LDLRAD4: variants seen among roughly 807,000 people sequenced by gnomAD.
LDLRAD4 encodes the protein low-density lipoprotein receptor class A domain-containing protein 4.
LDLRAD4 carries 5 observed loss-of-function variants against 17.0 expected under a neutral mutation model. The ratio of observed to expected loss-of-function variants is 0.29; its 90% confidence interval spans 0.15 to 0.62. The LOEUF (loss-of-function observed/expected upper bound fraction) is 0.62, where lower values mean the gene tolerates loss of function less well. Ranked by LOEUF, LDLRAD4 falls within the 20% of genes least tolerant of loss-of-function variation. The probability of loss-of-function intolerance (pLI) is 0.84; values close to 1 mark genes in which losing one functional copy is unlikely to be tolerated. For synonymous variants in LDLRAD4, 168 were observed against 171.8 expected, an observed-to-expected ratio of 0.98 and a Z score of 0.17; for missense variants, 340 against 424.7, an observed-to-expected ratio of 0.80 and a Z score of 1.75.
rs2090875711 is a variant in LDLRAD4 at position 13,439,358 on chromosome 18, T to C, written c.181+974T>C. 2.0e-5 allele frequency among the ~76,000 whole-genome samples: 3 copies of C among 152,370 alleles called. No homozygotes were observed. In the South Asian group the frequency reaches 6.2e-4, roughly 32 times the overall value. ...GGGGGCAAGTTACGTATGTCCCCAATATAAAAATGACTGTGCTCTAGCAAA... is the reference window on the plus strand; with the variant it reads ...GGGGGCAAGTTACGTATGTCCCCAACATAAAAATGACTGTGCTCTAGCAAA... On this transcript the variant is annotated intron_variant, in intron 3 of 5. Transcript: ENST00000359446.
intron 3 of LDLRAD4, among the ~76,000 whole-genome samples, chr18:13,576,149 C>T (rs1044332630): frequency 2.6e-5 from 4 of 152,038 alleles, no homozygotes; most frequent in African/African-American, 7.2e-5. Flanking sequence ...TCCAGCCGGG[C>T]GCAGTGGCTC....
chr18:13,279,077 G>A (rs1022698016), intron 1 of LDLRAD4, among the ~76,000 whole-genome samples: 1 of 152,182 alleles, frequency 6.6e-6, no homozygotes, highest in African/African-American at 2.4e-5. Context: ...GTTCTGTGTG[G>A]GGGCAGCTCC....
At chr18:13,419,670 C>T (rs1290248157) in intron 2 of LDLRAD4, 1 of 152,230 alleles carries the variant, frequency 6.6e-6, no homozygotes, top group East Asian at 1.9e-4. Context: ...AGGATTCAAA[C>T]CCGGCAGTCT....
intron 3 of LDLRAD4, among the ~76,000 whole-genome samples, chr18:13,553,428 A>G (rs2094453986): frequency 6.6e-6 from 1 of 152,226 alleles, no homozygotes; most frequent in African/African-American, 2.4e-5. Context: ...GTGTTCTTAA[A>G]ATATGTCTGT....
chr18:13,348,663 C>G (rs1035519377), intron 1 of LDLRAD4, among the ~76,000 whole-genome samples: 12 of 152,154 alleles, frequency 7.9e-5, no homozygotes, highest in African/African-American at 1.2e-4. Context: ...ATGCCCTGCC[C>G]CCAGAGGTGG....
At chr18:13,477,642 C>A (rs76522570) in intron 3 of LDLRAD4, among the ~76,000 whole-genome samples, 10 of 152,252 alleles carry the variant, frequency 6.6e-5, no homozygotes, top group Admixed American at 4.6e-4. Flanking sequence ...TAGACCAAGC[C>A]CCTCTTTTCA....
At chr18:13,616,956 A>T (rs1025812219) in intron 3 of LDLRAD4, among the ~76,000 whole-genome samples, 4 of 152,272 alleles carry the variant, frequency 2.6e-5, no homozygotes, top group Admixed American at 2.0e-4. Flanking sequence ...TGTGCTGTAG[A>T]TGCACCTGCC....
chr18:13,594,504 A>G (rs1472223396), intron 3 of LDLRAD4, among the ~76,000 whole-genome samples: 1 of 151,850 alleles, frequency 6.6e-6, no homozygotes, highest in Non-Finnish European at 1.5e-5. Flanking sequence ...CATCCCTACT[A>G]AAAATATAAA....
chr18:13,583,682 G>T (rs1405628056), intron 3 of LDLRAD4, among the ~76,000 whole-genome samples: 1 of 152,104 alleles, frequency 6.6e-6, no homozygotes, highest in Admixed American at 6.5e-5. Context: ...CTTGACCAGG[G>T]TGTGGTTTTC....
At chr18:13,265,420 C>G (rs528554629) in intron 1 of LDLRAD4, among the ~76,000 whole-genome samples, 5 of 152,350 alleles carry the variant, frequency 3.3e-5, no homozygotes, top group African/African-American at 7.2e-5. Context: ...AAGCCCTCCC[C>G]CTTCCCACTG....
intron 2 of LDLRAD4, among the ~76,000 whole-genome samples, chr18:13,393,846 C>T (rs1346374058): frequency 1.3e-5 from 2 of 152,148 alleles, no homozygotes; most frequent in African/African-American, 4.8e-5. Flanking sequence ...GTGAGCCCAC[C>T]CATCAATCAT....
chr18:13,258,504 C>T (rs2043627842), intron 1 of LDLRAD4, among the ~76,000 whole-genome samples: 1 of 151,862 alleles, frequency 6.6e-6, no homozygotes, highest in East Asian at 1.9e-4. Context: ...TTTATTTTTG[C>T]TTTTATGATT....
intron 1 of LDLRAD4, among the ~76,000 whole-genome samples, chr18:13,342,967 T>C (rs1303041425): frequency 6.6e-6 from 1 of 152,160 alleles, no homozygotes; most frequent in East Asian, 1.9e-4. Context: ...TGGATTTTTC[T>C]GTAATGACAT....
At chr18:13,593,456 A>T (rs1429722194) in intron 3 of LDLRAD4, among the ~76,000 whole-genome samples, 1 of 152,206 alleles carries the variant, frequency 6.6e-6, no homozygotes, top group Non-Finnish European at 1.5e-5. Context: ...GGAGACTCTG[A>T]AGAGAACTTC....
chr18:13,529,792 C>G (rs1460282540), intron 3 of LDLRAD4, among the ~76,000 whole-genome samples: 1 of 152,236 alleles, frequency 6.6e-6, no homozygotes, highest in African/African-American at 2.4e-5. Flanking sequence ...ACTTGTGTTT[C>G]ATCCACATAG....
intron 4 of LDLRAD4, 91 bp from the exon 6 acceptor site, chr18:13,643,265 CAGA>C (rs1315288502): frequency 2.5e-6 from 2 of 806,252 alleles, no homozygotes; most frequent in Non-Finnish European, 3.9e-6. Context: ...TCCCCGTTTC[CAGA>C]AGTTGTGCTT....
At chr18:13,587,845 G>T (rs2094955301) in intron 3 of LDLRAD4, among the ~76,000 whole-genome samples, 2 of 152,172 alleles carry the variant, frequency 1.3e-5, no homozygotes, top group African/African-American at 4.8e-5. Context: ...CAAAAAGGGG[G>T]GAGGTCACTT....
At chr18:13,358,151 T>C (rs1599651610) in intron 1 of LDLRAD4, among the ~76,000 whole-genome samples, 1 of 152,306 alleles carries the variant, frequency 6.6e-6, no homozygotes, top group East Asian at 1.9e-4. Context: ...TAGTTTTTTA[T>C]AATGATAAGT....
chr18:13,448,268 TA>T (rs1478547279), intron 3 of LDLRAD4, among the ~76,000 whole-genome samples: 1 of 152,184 alleles, frequency 6.6e-6, no homozygotes, highest in African/African-American at 2.4e-5. Context: ...TAATTGTGTA[TA>T]TTAACACACT....
Sources: gnomAD v4.1 joint callset for allele counts (sites outside exome capture counted in the v4.1 genomes callset) on GRCh38, gnomAD v4.1.1 for gene constraint, MANE v1.5 for transcripts, NCBI Gene and HGNC (gene_info 2026-07-23, HGNC 2026-07-21) for gene names.